Variants in COL25A1 observed in about 807,000 individuals in gnomAD.
COL25A1 encodes collagen alpha-1(XXV) chain.
Under a neutral mutation model 128.4 loss-of-function variants are expected in COL25A1, and 103 were observed. The observed-to-expected ratio is 0.80, with a 90% CI of 0.68 to 0.94. COL25A1 has a LOEUF of 0.94. Among genes scored for constraint, COL25A1 ranks in the 40% least tolerant of loss-of-function variants. COL25A1 has a pLI of 0.00. For synonymous variants in COL25A1, 279 were observed against 277.2 expected (o/e 1.01, Z -0.06); for missense variants, 745 against 840.0 (o/e 0.89, Z 1.40).
intron 3 of COL25A1, among the ~76,000 whole-genome samples, chr4:109,107,451 G>A (rs911806134): frequency 2.0e-5 from 3 of 152,098 alleles, no homozygotes; most frequent in African/African-American, 7.2e-5. Flanking sequence ...GATGTTTTGA[G>A]CTGTGATATA....
chr4:108,926,211 T>C (rs565210476), intron 11 of COL25A1, among the ~76,000 whole-genome samples: 1 of 152,280 alleles, frequency 6.6e-6, no homozygotes, highest in South Asian at 2.1e-4. Context: ...TTGGGACATG[T>C]TTTAAGGCAA....
chr4:109,084,327 T>G (rs1054121121), intron 3 of COL25A1, among the ~76,000 whole-genome samples: 4 of 152,228 alleles, frequency 2.6e-5, no homozygotes, highest in Admixed American at 2.6e-4. Context: ...AGGTATGCCT[T>G]GCCTTAATTA....
intron 3 of COL25A1, among the ~76,000 whole-genome samples, chr4:109,182,410 T>C (rs1357085306): frequency 6.6e-6 from 1 of 152,120 alleles, no homozygotes; most frequent in Non-Finnish European, 1.5e-5. Context: ...AGTCTATTCA[T>C]TACTAAGGAA....
chr4:109,007,822 ACGTT>A (rs1756178628), intron 6 of COL25A1, among the ~76,000 whole-genome samples: 1 of 152,106 alleles, frequency 6.6e-6, no homozygotes. Context: ...GCCATGATAT[ACGTT>A]CATTCTTAGC....
intron 19 of COL25A1, among the ~76,000 whole-genome samples, chr4:108,875,564 A>G (rs1046022144): frequency 1.3e-5 from 2 of 152,192 alleles, no homozygotes; most frequent in African/African-American, 4.8e-5. Flanking sequence ...AGGAAACAGC[A>G]CATGCTGGAG....
chr4:108,985,775 A>T (rs1753612991), intron 6 of COL25A1, among the ~76,000 whole-genome samples: 1 of 152,186 alleles, frequency 6.6e-6, no homozygotes, highest in African/African-American at 2.4e-5. Context: ...TTCCCTCATT[A>T]GCTATGAAAT....
chr4:108,852,375 A>G (rs1224387301), intron 25 of COL25A1, 95 bp from the exon 26 acceptor site: 2 of 905,920 alleles, frequency 2.2e-6, no homozygotes, highest in Non-Finnish European at 3.3e-6. Context: ...CCTTATTTCT[A>G]TCGTAATCAG....
At chr4:108,881,551 T>C (rs1341825065) in intron 19 of COL25A1, among the ~76,000 whole-genome samples, 2 of 152,176 alleles carry the variant, frequency 1.3e-5, no homozygotes, top group African/African-American at 4.8e-5. Flanking sequence ...TATATCCATA[T>C]ATGGTGGTTT....
chr4:109,156,100 G>A (rs995084125), intron 3 of COL25A1, among the ~76,000 whole-genome samples: 2 of 152,118 alleles, frequency 1.3e-5, no homozygotes, highest in African/African-American at 4.8e-5. Flanking sequence ...CCAACTGCAG[G>A]AGCTCTAATT....
At chr4:108,909,078 T>G (rs1440554145) in intron 13 of COL25A1, among the ~76,000 whole-genome samples, 1 of 152,226 alleles carries the variant, frequency 6.6e-6, no homozygotes. Context: ...TCATCCGTAC[T>G]TGGTGGCTGG....
At chr4:109,169,488 T>C (rs1165522117) in intron 3 of COL25A1, among the ~76,000 whole-genome samples, 1 of 152,220 alleles carries the variant, frequency 6.6e-6, no homozygotes, top group Non-Finnish European at 1.5e-5. Context: ...CCTTGTGTGT[T>C]TGCATATATC....
At chr4:108,861,854 T>A (rs1208131093) in intron 22 of COL25A1, among the ~76,000 whole-genome samples, 1 of 152,112 alleles carries the variant, frequency 6.6e-6, no homozygotes, top group Non-Finnish European at 1.5e-5. Context: ...TAAGGATGAA[T>A]AAAGATAAGC....
At chr4:108,970,447 C>T (rs1751788912) in intron 8 of COL25A1, among the ~76,000 whole-genome samples, 1 of 152,102 alleles carries the variant, frequency 6.6e-6, no homozygotes, top group African/African-American at 2.4e-5. Flanking sequence ...TTTTAATTGA[C>T]AAATACAAAT....
chr4:108,927,334 C>T (rs1746185150), intron 11 of COL25A1, among the ~76,000 whole-genome samples: 1 of 152,158 alleles, frequency 6.6e-6, no homozygotes, highest in Non-Finnish European at 1.5e-5. Context: ...ATATATTTCA[C>T]ATCGTCAGCA....
At chr4:109,033,782 C>T (rs993253941) in intron 5 of COL25A1, among the ~76,000 whole-genome samples, 8 of 151,906 alleles carry the variant, frequency 5.3e-5, no homozygotes, top group African/African-American at 1.9e-4. Flanking sequence ...ATCTTTTACA[C>T]CAAACATCAT....
At chr4:109,261,863 A>AT (rs932788588) in intron 3 of COL25A1, among the ~76,000 whole-genome samples, 3 of 150,972 alleles carry the variant, frequency 2.0e-5, no homozygotes, top group Non-Finnish European at 3.0e-5. Flanking sequence ...ATGCCTGGCT[A>AT]TTTTTTTGTA....
chr4:109,053,206 C>A (rs1761143683), intron 3 of COL25A1, among the ~76,000 whole-genome samples: 1 of 152,168 alleles, frequency 6.6e-6, no homozygotes, highest in Non-Finnish European at 1.5e-5. Flanking sequence ...TGGTACTATT[C>A]ATGCTTCAGA....
At chr4:109,202,711 T>C (rs1441970767) in intron 3 of COL25A1, among the ~76,000 whole-genome samples, 2 of 152,192 alleles carry the variant, frequency 1.3e-5, no homozygotes, top group East Asian at 3.8e-4. Flanking sequence ...GAAAAATATT[T>C]ACAAAATAGA....
At chr4:109,045,388 A>G (rs958090733) in intron 5 of COL25A1, among the ~76,000 whole-genome samples, 4 of 152,162 alleles carry the variant, frequency 2.6e-5, no homozygotes, top group Admixed American at 1.3e-4. Context: ...TAGTCCCTAG[A>G]AATTAAAATT....
Sources: gnomAD v4.1 joint callset for allele counts (sites outside exome capture counted in the v4.1 genomes callset) on GRCh38, gnomAD v4.1.1 for gene constraint, MANE v1.5 for transcripts, NCBI Gene and HGNC (gene_info 2026-07-23, HGNC 2026-07-21) for gene names.